Variants in ITPR2 observed in about 807,000 individuals in gnomAD.
ITPR2 encodes the protein inositol 1,4,5-trisphosphate-gated calcium channel ITPR2.
ITPR2 carries 207 observed loss-of-function variants against 317.1 expected under a neutral mutation model. The observed-to-expected ratio is 0.65, with a 90% CI of 0.58 to 0.73. The LOEUF is 0.73. ITPR2 is among the 30% of genes least tolerant of loss of function. The pLI is 0.00. For missense variants in ITPR2, 2,613 were observed against 3,284.0 expected (o/e 0.80, Z 4.99); for synonymous variants, 1,156 against 1,149.1 (o/e 1.01, Z -0.12).
At chr12:26,671,684 A>C (rs1379273305) in intron 13 of ITPR2, among the ~76,000 whole-genome samples, 2 of 152,198 alleles carry the variant, frequency 1.3e-5, no homozygotes, top group African/African-American at 4.8e-5. Flanking sequence ...GACAGGATCA[A>C]ATTCACACAT....
chr12:26,714,648 G>GA (rs1320742436), intron 8 of ITPR2, among the ~76,000 whole-genome samples: 1 of 152,154 alleles, frequency 6.6e-6, no homozygotes, highest in East Asian at 1.9e-4. Flanking sequence ...AAATGGTTGA[G>GA]AATCACCGCT....
At position 26,461,627 on chromosome 12, in the gene ITPR2, AATATATATATATATATATATATATAT is replaced by A. The variant is rs754482854; in HGVS notation, c.6342+13643_6342+13668del. On this transcript the variant is annotated intron_variant, in intron 45 of 56. Coordinates refer to ENST00000381340, the MANE Select transcript of ITPR2 (RefSeq NM_002223.4). ...ACAATAAGAAAAAGAAAAGCATATA[AATATATATATATATATATATATATAT>A]ATATATATATATATATATGCACACA... is the stretch of plus-strand genomic sequence containing the variant. 1.4e-4 allele frequency among the ~76,000 whole-genome samples: 7 copies of A among 48,718 alleles called. No homozygotes were observed. The East Asian group carries it at 2.4e-3, about 17-fold the overall frequency. The allele number at this position is 48,718 out of a possible 152,430, so 32.0% of individuals were successfully genotyped here.
intron 1 of ITPR2, among the ~76,000 whole-genome samples, chr12:26,798,211 G>A (rs989955902): frequency 1.3e-5 from 2 of 152,078 alleles, no homozygotes; most frequent in Non-Finnish European, 2.9e-5. Flanking sequence ...AGCAGCAGTA[G>A]AAGAGAAGAA....
rs925333034 is a variant in ITPR2 at position 26,738,384 on chromosome 12, G to A, written c.164-12619C>T. ...CTTCCAGAAAGTGGACATGAGAAGT[G>A]GGGAACAGAGAGATGAGGTAACAGA... On this transcript the variant is annotated intron_variant, in intron 2 of 56. Coordinates refer to ENST00000381340, the MANE Select transcript of ITPR2 (RefSeq NM_002223.4). 1.1e-4 allele frequency among the ~76,000 whole-genome samples: 16 copies of A among 152,078 alleles called. No individual in the cohort carries two copies. In the East Asian group the frequency reaches 2.9e-3, roughly 27 times the overall value.
chr12:26,586,562 T>A (rs776178331), intron 32 of ITPR2, among the ~76,000 whole-genome samples: 15 of 152,348 alleles, frequency 9.8e-5, no homozygotes, highest in Non-Finnish European at 1.9e-4. Flanking sequence ...TACATTTCCA[T>A]CCATTTTTAC....
rs565322029 is a variant in ITPR2, at chr12:26,401,242, T to A, written c.7400-984A>T. On this transcript the variant is annotated intron_variant, in intron 52 of 56. Transcript: ENST00000381340. ...AGACTCTGTCTTTAAAAAAAAAAAA[T>A]ACATTTAGGGTATGTAAAATATTAT... Among the ~76,000 whole-genome samples, 18 of 151,598 alleles carry A rather than the reference T, an allele frequency of 1.2e-4. 1 individual carries two copies. The South Asian group carries it at 3.5e-3, about 30-fold the overall frequency.
At chr12:26,374,645 G>A (rs2136605157) in intron 55 of ITPR2, among the ~76,000 whole-genome samples, 1 of 152,306 alleles carries the variant, frequency 6.6e-6, no homozygotes, top group Middle Eastern at 3.4e-3. Context: ...CACCATGTTA[G>A]GTGCTAGGAT....
At chr12:26,491,998 T>C (rs1049006510) in intron 39 of ITPR2, among the ~76,000 whole-genome samples, 1 of 151,978 alleles carries the variant, frequency 6.6e-6, no homozygotes, top group African/African-American at 2.4e-5. Context: ...GGTGTGGAAA[T>C]GAAGGAGGTC....
intron 45 of ITPR2, among the ~76,000 whole-genome samples, chr12:26,456,120 A>T (rs749861590): frequency 3.9e-5 from 6 of 152,218 alleles, no homozygotes; most frequent in Non-Finnish European, 7.3e-5. Flanking sequence ...CTACTGGGCT[A>T]CATTCCCAGG....
intron 34 of ITPR2, among the ~76,000 whole-genome samples, chr12:26,567,749 C>T (rs1489943617): frequency 2.0e-5 from 3 of 150,774 alleles, no homozygotes; most frequent in East Asian, 1.9e-4. Context: ...ATTAACAATG[C>T]CAATTTAGCT....
At chr12:26,714,913 C>T (rs909335059) in intron 8 of ITPR2, among the ~76,000 whole-genome samples, 1 of 152,192 alleles carries the variant, frequency 6.6e-6, no homozygotes, top group Admixed American at 6.5e-5. Context: ...GTTCTGGCCT[C>T]AACCTTCCTC....
At chr12:26,763,374 C>T (rs1166984861) in intron 2 of ITPR2, among the ~76,000 whole-genome samples, 1 of 151,828 alleles carries the variant, frequency 6.6e-6, no homozygotes, top group Non-Finnish European at 1.5e-5. Flanking sequence ...ATTGTGAAAA[C>T]AAGCTAGTGA....
rs76020133 is a variant in ITPR2 at position 26,740,535 on chromosome 12, G to A, written c.164-14770C>T. Among the ~76,000 whole-genome samples, 385 of 152,222 alleles carry A rather than the reference G, an allele frequency of 2.5e-3. 1 individual carries two copies. The highest frequency in any genetic ancestry group is 4.6e-3 in the Non-Finnish European group (311 of 68,020). On this transcript the variant is annotated intron_variant, in intron 2 of 56. Coordinates refer to ENST00000381340, the MANE Select transcript of ITPR2 (RefSeq NM_002223.4). ...CAGTAGAAAGAGTAAGCTTCATTCC[G>A]CCGTATAAGGTGATCCCAATGTTAT...
intron 21 of ITPR2, among the ~76,000 whole-genome samples, chr12:26,633,791 CGTG>C (rs1565654519): frequency 8.5e-5 from 13 of 152,316 alleles, no homozygotes; most frequent in Admixed American, 3.9e-4. Flanking sequence ...AGTATGTATA[CGTG>C]TTTGCCTCCA....
At chr12:26,775,945 T>TATATATATATATATATATATACATAC (rs1565755039) in intron 2 of ITPR2, among the ~76,000 whole-genome samples, 2 of 145,554 alleles carry the variant, frequency 1.4e-5, no homozygotes, top group Non-Finnish European at 1.5e-5. Flanking sequence ...TATATATATA[T>TATATATATATATATATATATACATAC]ATGTATATGT....
intron 52 of ITPR2, among the ~76,000 whole-genome samples, chr12:26,405,899 A>C (rs968402485): frequency 3.9e-5 from 6 of 152,202 alleles, no homozygotes; most frequent in Non-Finnish European, 7.3e-5. Flanking sequence ...TGCAGGTTGC[A>C]ATGAGCTGAG....
chr12:26,813,767 G>A (rs1276967140), intron 1 of ITPR2, among the ~76,000 whole-genome samples: 1 of 152,144 alleles, frequency 6.6e-6, no homozygotes, highest in Non-Finnish European at 1.5e-5. Flanking sequence ...CCACCTGAAA[G>A]AGTCCTAAAA....
intron 45 of ITPR2, among the ~76,000 whole-genome samples, chr12:26,461,820 T>G (rs186746177): frequency 7.9e-5 from 12 of 151,936 alleles, no homozygotes; most frequent in African/African-American, 2.9e-4. Context: ...TAGTCAATAA[T>G]ATAAATCCTG....
intron 8 of ITPR2, 129 bp downstream of exon 8, chr12:26,715,170 T>C (rs1006948991): frequency 2.2e-5 from 18 of 809,820 alleles, no homozygotes; most frequent in Non-Finnish European, 3.4e-5. Flanking sequence ...AGGCACAAGT[T>C]GGTTCACAAA....
Sources: allele counts gnomAD v4.1 joint callset (sites outside exome capture counted in the v4.1 genomes callset), GRCh38; gene constraint gnomAD v4.1.1; transcripts MANE v1.5; gene names NCBI Gene and HGNC (gene_info 2026-07-23, HGNC 2026-07-21).